NEGR1: variants seen among roughly 807,000 people sequenced by gnomAD.
NEGR1 encodes neuronal growth regulator 1, also known as IgLON family member 4.
NEGR1 carries 10 observed loss-of-function variants against 40.9 expected under a neutral mutation model. The ratio of observed to expected loss-of-function variants is 0.24; its 90% confidence interval spans 0.15 to 0.42. The LOEUF is 0.42. Among genes scored for constraint, NEGR1 ranks in the 10% least tolerant of loss-of-function variants. The pLI, the probability that NEGR1 is intolerant of heterozygous loss-of-function variation, is 1.00. For synonymous variants in NEGR1, 185 were observed against 166.8 expected, an observed-to-expected ratio of 1.11 and a Z score of -0.84; for missense variants, 352 against 438.9, an observed-to-expected ratio of 0.80 and a Z score of 1.77.
intron 2 of NEGR1, among the ~76,000 whole-genome samples, chr1:71,869,086 C>T (rs12045130): frequency 0.26 from 39,376 of 152,042 alleles, 5,296 homozygotes; most frequent in East Asian, 0.51. Context: ...TGTTCATCTG[C>T]ATCTTTTACC....
rs1412982262 is a variant in NEGR1 at position 71,406,187 on chromosome 1, A to G, written c.*1259T>C. On this transcript the variant is annotated 3_prime_UTR_variant, in exon 7 of 7. Coordinates refer to ENST00000357731, the MANE Select transcript of NEGR1 (RefSeq NM_173808.3). ...GAAAGATTTTATTGAAGAATTAGCTATTTTAGAGATTGGTCTGCTACATAC... is the reference window on the plus strand; with the variant it reads ...GAAAGATTTTATTGAAGAATTAGCTGTTTTAGAGATTGGTCTGCTACATAC... 4 of 151,900 alleles carry G rather than the reference A, an allele frequency of 2.6e-5. No individual in the cohort carries two copies. The highest frequency in any genetic ancestry group is 2.4e-5 in the African/African-American group (1 of 41,404). The allele number at this position is 151,900 out of a possible 1,614,324, so 9.4% of individuals were successfully genotyped here.
intron 1 of NEGR1, chr1:72,274,860 C>G (rs1570212414): frequency 6.3e-7 from 1 of 1,589,138 alleles, no homozygotes. Flanking sequence ...TCAAGAACAC[C>G]AATGATGCCA....
intron 6 of NEGR1, among the ~76,000 whole-genome samples, chr1:71,507,152 G>A (rs1231802315): frequency 1.3e-5 from 2 of 152,296 alleles, no homozygotes; most frequent in African/African-American, 4.8e-5. Flanking sequence ...ATCAAAAAGA[G>A]AACACTGTAA....
chr1:71,922,826 C>T (rs1645733074), intron 2 of NEGR1, among the ~76,000 whole-genome samples: 1 of 152,112 alleles, frequency 6.6e-6, no homozygotes, highest in Non-Finnish European at 1.5e-5. Context: ...CTGGGGATTA[C>T]TTTTTACTTC....
intron 1 of NEGR1, among the ~76,000 whole-genome samples, chr1:72,194,878 T>C (rs1256332865): frequency 6.6e-6 from 1 of 152,060 alleles, no homozygotes; most frequent in Non-Finnish European, 1.5e-5. Flanking sequence ...TGAAAGGCCA[T>C]GCAAGATGGG....
intron 4 of NEGR1, among the ~76,000 whole-genome samples, chr1:71,616,222 G>C (rs1176394525): frequency 6.6e-6 from 1 of 152,172 alleles, no homozygotes; most frequent in Non-Finnish European, 1.5e-5. Flanking sequence ...GGAGGTGAGT[G>C]GCAGGTGAGC....
At chr1:71,995,445 A>C (rs1646496159) in intron 1 of NEGR1, among the ~76,000 whole-genome samples, 2 of 152,150 alleles carry the variant, frequency 1.3e-5, no homozygotes, top group Non-Finnish European at 2.9e-5. Flanking sequence ...TGGGAAAAAA[A>C]AAATCAGATA....
At chr1:71,633,561 T>G (rs17091540) in intron 4 of NEGR1, among the ~76,000 whole-genome samples, 2,670 of 152,152 alleles carry the variant, frequency 0.018, 58 homozygotes, top group African/African-American at 0.055. Context: ...GGGAAGAAAT[T>G]AACTAAACAT....
chr1:71,839,404 T>C (rs1446106860), intron 2 of NEGR1, among the ~76,000 whole-genome samples: 1 of 151,144 alleles, frequency 6.6e-6, no homozygotes, highest in Admixed American at 6.6e-5. Flanking sequence ...AGAGATGGGG[T>C]TTCGCCATAT....
rs145117294 is a variant in NEGR1 at position 71,656,261 on chromosome 1, TA to T, written c.667+41746del. ...TAGTAAAGAAAGCAGAATTTTCCGT[TA>T]GAAGGAAAGACAGTTCTGATGGCCC... On this transcript the variant is annotated intron_variant, in intron 4 of 6. Transcript: ENST00000357731. 5.3e-3 allele frequency among the ~76,000 whole-genome samples: 804 copies of T among 152,330 alleles called. 5 individuals are homozygous for T. Among genetic ancestry groups the T allele is most frequent in the African/African-American group, 0.018 (765 of 41,576 alleles).
At chr1:71,886,379 T>G (rs570611430) in intron 2 of NEGR1, among the ~76,000 whole-genome samples, 34 of 151,826 alleles carry the variant, frequency 2.2e-4, no homozygotes, top group African/African-American at 7.3e-4. Flanking sequence ...AGGTATTCCA[T>G]GAGAATGGTA....
intron 6 of NEGR1, chr1:71,573,492 T>TG: frequency 6.6e-6 from 1 of 152,382 alleles, no homozygotes; most frequent in South Asian, 2.1e-4. Flanking sequence ...AATGAATGGC[T>TG]GATCCTACAG....
At chr1:71,664,659 G>T (rs1198012356) in intron 4 of NEGR1, among the ~76,000 whole-genome samples, 1 of 151,880 alleles carries the variant, frequency 6.6e-6, no homozygotes, top group East Asian at 1.9e-4. Flanking sequence ...GAAACCTTAT[G>T]AAAATTCATC....
intron 1 of NEGR1, among the ~76,000 whole-genome samples, chr1:72,247,334 C>A (rs1212648866): frequency 6.6e-6 from 1 of 152,166 alleles, no homozygotes; most frequent in East Asian, 1.9e-4. Flanking sequence ...AACGTTTATG[C>A]TTTGCTTTCT....
At chr1:72,013,222 T>G (rs1646675680) in intron 1 of NEGR1, among the ~76,000 whole-genome samples, 1 of 152,080 alleles carries the variant, frequency 6.6e-6, no homozygotes, top group Non-Finnish European at 1.5e-5. Context: ...GAGGCAGCAT[T>G]ATTTTGTGGG....
At chr1:72,087,827 C>G (rs1648286979) in intron 1 of NEGR1, among the ~76,000 whole-genome samples, 1 of 146,376 alleles carries the variant, frequency 6.8e-6, no homozygotes, top group African/African-American at 2.5e-5. Context: ...AACTCCTGCA[C>G]TAAAGAGATC....
intron 3 of NEGR1, among the ~76,000 whole-genome samples, chr1:71,771,046 C>G (rs1656300010): frequency 6.6e-6 from 1 of 152,092 alleles, no homozygotes; most frequent in African/African-American, 2.4e-5. Context: ...GACTTGGAAC[C>G]AACCCAAATG....
intron 2 of NEGR1, among the ~76,000 whole-genome samples, chr1:71,839,582 T>C (rs569031178): frequency 6.6e-6 from 1 of 152,136 alleles, no homozygotes; most frequent in Admixed American, 6.6e-5. Flanking sequence ...ATAATACAAA[T>C]TAAAATTATT....
At chr1:72,077,492 T>C (rs1647793376) in intron 1 of NEGR1, among the ~76,000 whole-genome samples, 1 of 152,090 alleles carries the variant, frequency 6.6e-6, no homozygotes, top group African/African-American at 2.4e-5. Flanking sequence ...GAATAATTAC[T>C]TTAAAATTGT....
Sources: allele counts gnomAD v4.1 joint callset (sites outside exome capture counted in the v4.1 genomes callset), GRCh38; gene constraint gnomAD v4.1.1; transcripts MANE v1.5; gene names NCBI Gene and HGNC (gene_info 2026-07-23, HGNC 2026-07-21).